The following SEM1 variants were observed in gnomAD, a reference collection of about 807,000 sequenced individuals.
SEM1 encodes 26S proteasome complex subunit SEM1.
A neutral mutation model predicts 12.7 loss-of-function variants in SEM1; 3 were observed. That is an observed-to-expected ratio of 0.24 (90% CI 0.11 to 0.61). The LOEUF is 0.61. Ranked by LOEUF, SEM1 falls within the 20% of genes least tolerant of loss-of-function variation. SEM1 has a pLI of 0.88. For synonymous variants in SEM1, 30 were observed against 27.8 expected (o/e 1.08, Z -0.25); for missense variants, 59 against 81.3 (o/e 0.73, Z 1.06).
chr7:96,529,848 A>G (rs1323324277), intron 2 of SEM1, among the ~76,000 whole-genome samples: 2 of 152,132 alleles, frequency 1.3e-5, no homozygotes, highest in Non-Finnish European at 2.9e-5. Context: ...TATCTTGGTG[A>G]TATGTAAAGG....
intron 2 of SEM1, among the ~76,000 whole-genome samples, chr7:96,643,042 A>T (rs898145112): frequency 1.3e-5 from 2 of 152,046 alleles, no homozygotes; most frequent in African/African-American, 4.8e-5. Context: ...AGATTATTTC[A>T]TCACCCATGG....
intron 2 of SEM1, among the ~76,000 whole-genome samples, chr7:96,657,220 C>A (rs1053213518): frequency 6.6e-6 from 1 of 152,158 alleles, no homozygotes; most frequent in African/African-American, 2.4e-5. Context: ...TTGAGACTAT[C>A]TCAGGATTAT....
intron 2 of SEM1, among the ~76,000 whole-genome samples, chr7:96,583,950 G>T (rs575328022): frequency 6.6e-6 from 1 of 151,744 alleles, no homozygotes; most frequent in East Asian, 1.9e-4. Flanking sequence ...TCTTTTAATT[G>T]GAGCATTTAG....
intron 2 of SEM1, among the ~76,000 whole-genome samples, chr7:96,597,559 T>C (rs1291681338): frequency 2.0e-5 from 3 of 152,112 alleles, no homozygotes; most frequent in East Asian, 3.9e-4. Flanking sequence ...GTCACTATTA[T>C]ATATTCTTCC....
Position 96,600,889 on chromosome 7 carries a change from C to T in SEM1, c.170+93909G>A, listed in dbSNP as rs79045817. ...AGAGAGTAGTGGAAGAAATAGGAGG[C>T]AGAGAGGAAGTCAAGGATATGTCTA... On this transcript the variant is annotated intron_variant and NMD_transcript_variant, in intron 2 of 3. Coordinates refer to the SEM1 transcript ENST00000466986. Among the ~76,000 whole-genome samples, 591 of 152,226 alleles carry T rather than the reference C, an allele frequency of 3.9e-3. 3 individuals are homozygous for T. The highest frequency in any genetic ancestry group is 0.013 in the African/African-American group (559 of 41,518).
chr7:96,484,801 C>T, intron 3 of SEM1: 1 of 1,266,828 alleles, frequency 7.9e-7, no homozygotes, highest in Non-Finnish European at 1.0e-6. Context: ...CCATTTATAT[C>T]CATTTATATC....
At chr7:96,551,236 T>C (rs897712829) in intron 2 of SEM1, among the ~76,000 whole-genome samples, 1 of 152,174 alleles carries the variant, frequency 6.6e-6, no homozygotes, top group Non-Finnish European at 1.5e-5. Flanking sequence ...TTGAGCATAA[T>C]AGGTTGAATG....
intron 2 of SEM1, among the ~76,000 whole-genome samples, chr7:96,683,215 G>C (rs926130676): frequency 2.6e-5 from 4 of 151,188 alleles, no homozygotes; most frequent in African/African-American, 4.9e-5. Flanking sequence ...CTAGAAAAGT[G>C]GGTGAATGAT....
intron 1 of SEM1, among the ~76,000 whole-genome samples, chr7:96,491,915 T>C (rs994199412): frequency 1.3e-5 from 2 of 152,110 alleles, no homozygotes; most frequent in Non-Finnish European, 2.9e-5. Flanking sequence ...ATTGCACCCT[T>C]TTACAGACAA....
chr7:96,602,569 G>GATATTACCA, intron 2 of SEM1, among the ~76,000 whole-genome samples: 1 of 152,260 alleles, frequency 6.6e-6, no homozygotes, highest in Non-Finnish European at 1.5e-5. Context: ...CATGCATATA[G>GATATTACCA]ATATTACCAA....
chr7:96,560,341 G>T (rs1432938671), intron 2 of SEM1, among the ~76,000 whole-genome samples: 1 of 152,034 alleles, frequency 6.6e-6, no homozygotes, highest in Non-Finnish European at 1.5e-5. Context: ...TTGACAAAAT[G>T]ATACATTTTA....
chr7:96,585,922 C>T (rs931423008), intron 2 of SEM1, among the ~76,000 whole-genome samples: 6 of 152,186 alleles, frequency 3.9e-5, no homozygotes, highest in East Asian at 1.9e-4. Context: ...AGAAATCACC[C>T]GTCTTCTGCA....
chr7:96,604,415 G>C (rs1202074375), intron 2 of SEM1, among the ~76,000 whole-genome samples: 2 of 152,002 alleles, frequency 1.3e-5, no homozygotes, highest in Non-Finnish European at 2.9e-5. Flanking sequence ...GATGTCCCTA[G>C]TGTCATTTCA....
chr7:96,685,061 T>C (rs1789722091), downstream of SEM1, among the ~76,000 whole-genome samples: 1 of 152,114 alleles, frequency 6.6e-6, no homozygotes, highest in South Asian at 2.1e-4. Flanking sequence ...TGGGATGTGT[T>C]ACCTCTCTCA....
downstream of SEM1, among the ~76,000 whole-genome samples, chr7:96,668,888 G>C (rs1038262019): frequency 2.0e-5 from 3 of 152,152 alleles, no homozygotes; most frequent in African/African-American, 7.2e-5. Context: ...CCTATAAGAA[G>C]ATGGCCCCCT....
At chr7:96,577,324 G>A (rs575506389) in intron 2 of SEM1, among the ~76,000 whole-genome samples, 4 of 152,166 alleles carry the variant, frequency 2.6e-5, no homozygotes, top group Non-Finnish European at 5.9e-5. Context: ...AGAAGGCAAA[G>A]CCTGCTCAAA....
chr7:96,483,558 T>C, exon 4 of SEM1: 1 of 395,504 alleles, frequency 2.5e-6, no homozygotes. Context: ...CTACAGACTC[T>C]ACTGGGCTCT....
At chr7:96,529,874 G>T (rs919366238) in intron 2 of SEM1, among the ~76,000 whole-genome samples, 1 of 152,044 alleles carries the variant, frequency 6.6e-6, no homozygotes. Flanking sequence ...CTTTCACTGC[G>T]GTACTAATGC....
chr7:96,514,065 A>G (rs545266810), intron 2 of SEM1, among the ~76,000 whole-genome samples: 2 of 152,078 alleles, frequency 1.3e-5, no homozygotes, highest in Non-Finnish European at 2.9e-5. Flanking sequence ...GGGGAAAGAA[A>G]ATTTACTATT....
Sources: allele counts gnomAD v4.1 joint callset (sites outside exome capture counted in the v4.1 genomes callset), GRCh38; gene constraint gnomAD v4.1.1; transcripts MANE v1.5; gene names NCBI Gene and HGNC (gene_info 2026-07-23, HGNC 2026-07-21).